The following ZFC3H1 variants were observed in gnomAD, a reference collection of about 807,000 sequenced individuals.
The protein encoded by ZFC3H1 is zinc finger C3H1 domain-containing protein.
In ZFC3H1, 71 loss-of-function variants were observed where a neutral mutation model predicts 243.7. That is an observed-to-expected ratio of 0.29 (90% CI 0.24 to 0.36). ZFC3H1 has a LOEUF of 0.36. Among genes scored for constraint, ZFC3H1 ranks in the 10% least tolerant of loss-of-function variants. The pLI is 1.00. For synonymous variants in ZFC3H1, 838 were observed against 813.0 expected, an observed-to-expected ratio of 1.03 and a Z score of -0.52; for missense variants, 1,966 against 2,317.1, an observed-to-expected ratio of 0.85 and a Z score of 3.11.
intron 8 of ZFC3H1, 95 bp downstream of exon 8, chr12:71,636,755 A>G: frequency 6.4e-7 from 1 of 1,557,148 alleles, no homozygotes. Flanking sequence ...CACTTTGCTG[A>G]AAAGCCCAAT....
chr12:71,654,201 A>G (rs1880960809), intron 2 of ZFC3H1, among the ~76,000 whole-genome samples: 1 of 152,196 alleles, frequency 6.6e-6, no homozygotes, highest in Non-Finnish European at 1.5e-5. Context: ...GCATTTTAGG[A>G]GGCTAAGGCA....
chr12:71,652,832 T>A (rs1278274487), intron 2 of ZFC3H1, among the ~76,000 whole-genome samples: 4 of 152,082 alleles, frequency 2.6e-5, no homozygotes, highest in African/African-American at 9.7e-5. Flanking sequence ...GCAACCAAAT[T>A]CACACCATAT....
At chr12:71,656,415 T>C (rs1881020328) in intron 2 of ZFC3H1, 4 of 563,942 alleles carry the variant, frequency 7.1e-6, no homozygotes, top group Non-Finnish European at 1.2e-5. Flanking sequence ...AAATAAATTA[T>C]ATAATTCATT....
At chr12:71,616,545 A>T (rs1415821391) in intron 27 of ZFC3H1, among the ~76,000 whole-genome samples, 1 of 152,190 alleles carries the variant, frequency 6.6e-6, no homozygotes, top group Admixed American at 6.5e-5. Context: ...TGACTCTAAG[A>T]AGTCAATCAG....
intron 2 of ZFC3H1, chr12:71,656,313 AG>A: frequency 2.6e-6 from 1 of 383,656 alleles, no homozygotes; most frequent in Non-Finnish European, 4.6e-6. Flanking sequence ...CTTAATAAAG[AG>A]GAAAAGAAAA....
At position 71,663,832 on chromosome 12, in the gene ZFC3H1, T is replaced by TCAGCGATCGGGGTTCTTCCG; in HGVS notation, c.-223_-222insCGGAAGAACCCCGATCGCTG. The TCAGCGATCGGGGTTCTTCCG allele has an allele frequency of 1.7e-6, 1 of 583,236 alleles. No homozygotes were observed. Among genetic ancestry groups the TCAGCGATCGGGGTTCTTCCG allele is most frequent in the South Asian group, 2.2e-5 (1 of 44,770 alleles). The allele number at this position is 583,236 out of a possible 1,614,324, so 36.1% of individuals were successfully genotyped here. ...CCCTTTCCTAGCGCCCCCTTGCTCC[T>TCAGCGATCGGGGTTCTTCCG]CAGCGATCGGGGTTCTTCCGCCTCG... is the stretch of plus-strand genomic sequence containing the variant. On this transcript the variant is annotated 5_prime_UTR_variant, in exon 1 of 35. Transcript: ENST00000378743.
intron 9 of ZFC3H1, 147 bp from the exon 10 acceptor site, chr12:71,635,727 A>C: frequency 3.5e-6 from 2 of 568,344 alleles, no homozygotes; most frequent in East Asian, 3.4e-5. Flanking sequence ...GAGTCGACCA[A>C]TACTGGTTAT....
In ZFC3H1 at chr12:71,623,574, A is replaced by G. The variant is rs1407669210; in HGVS notation, c.4530T>C (p.Asp1510=). 1 of 1,609,982 alleles carries G rather than the reference A, an allele frequency of 6.2e-7. No individual in the cohort carries two copies. The highest frequency in any genetic ancestry group is 8.5e-7 in the Non-Finnish European group (1 of 1,178,768). Residue 1510 remains aspartate, a synonymous_variant, in exon 24 of 35, where the codon GAT becomes GAC. Transcript: ENST00000378743. ...TTTTAAGGTATTCAGCTACTATTCCATCATTAGCAGATTTCAATGCATTCT... is the reference window on the plus strand; with the variant it reads ...TTTTAAGGTATTCAGCTACTATTCCGTCATTAGCAGATTTCAATGCATTCT... The part of the protein sequence containing the change: ...ILQNALKSAN[D]GIVAEYLKTS...
chr12:71,638,469 C>T lies in ZFC3H1; in HGVS notation c.1674G>A (p.Gly558=), dbSNP rs1277587906. Reference sequence around the variant, plus strand: ...AAAGAGATGGTGCTGGAGAAAAATACCCCAATGAACATTCAGAGAAAAATG... The same window carrying T: ...AAAGAGATGGTGCTGGAGAAAAATATCCCAATGAACATTCAGAGAAAAATG... ...QPPFFSECSL[G]YFSPAPSLSL... Residue 558 remains glycine, a synonymous_variant, in exon 7 of 35, where the codon GGG becomes GGA. Coordinates refer to ENST00000378743, the MANE Select transcript of ZFC3H1 (RefSeq NM_144982.5). 1.2e-6 allele frequency: 2 copies of T among 1,612,646 alleles called. No individual in the cohort carries two copies. Among genetic ancestry groups the T allele is most frequent in the Non-Finnish European group, 1.7e-6 (2 of 1,179,538 alleles).
intron 11 of ZFC3H1, 125 bp downstream of exon 11, chr12:71,634,578 TA>T: frequency 1.7e-6 from 2 of 1,165,656 alleles, no homozygotes; most frequent in Non-Finnish European, 2.4e-6. Context: ...GTGTGAGTTA[TA>T]AAACATTAAC....
At chr12:71,623,159 T>C (rs1880075763) in intron 24 of ZFC3H1, among the ~76,000 whole-genome samples, 1 of 152,148 alleles carries the variant, frequency 6.6e-6, no homozygotes, top group South Asian at 2.1e-4. Context: ...TATCGTGCAG[T>C]TATTGGTTTT....
At chr12:71,615,092 A>G (rs1879861876) in intron 28 of ZFC3H1, 114 bp downstream of exon 28, 28 of 1,130,390 alleles carry the variant, frequency 2.5e-5, no homozygotes, top group Non-Finnish European at 3.6e-5. Flanking sequence ...CATCTCTTCA[A>G]TTGTGCTTCA....
intron 31 of ZFC3H1, 31 bp downstream of exon 31, chr12:71,613,304 G>A (rs7305505): frequency 0.09 from 138,764 of 1,536,896 alleles, 10,371 homozygotes; most frequent in East Asian, 0.41. Context: ...CCATTAGGCA[G>A]AGGACCAAAA....
chr12:71,643,534 A>G (rs1880653173), intron 5 of ZFC3H1, among the ~76,000 whole-genome samples: 1 of 152,178 alleles, frequency 6.6e-6, no homozygotes, highest in South Asian at 2.1e-4. Flanking sequence ...ATTCTCAAGT[A>G]TACTCTTTTT....
At chr12:71,628,004 T>G (rs539651492) in intron 20 of ZFC3H1, 70 bp from the exon 21 acceptor site, 87 of 1,448,816 alleles carry the variant, frequency 6.0e-5, no homozygotes, top group Non-Finnish European at 8.1e-5. Context: ...AAGAAAACAA[T>G]TGGTCTCATC....
Position 71,616,214 on chromosome 12 carries a change from T to C in ZFC3H1, c.5145-898A>G, listed in dbSNP as rs1027539714. 9.9e-5 allele frequency among the ~76,000 whole-genome samples: 15 copies of C among 151,638 alleles called. No homozygotes were observed. In the East Asian group the frequency reaches 2.5e-3, roughly 25 times the overall value. On this transcript the variant is annotated intron_variant, in intron 27 of 34. Coordinates refer to ENST00000378743, the MANE Select transcript of ZFC3H1 (RefSeq NM_144982.5). ...TCCCGGGCTGAGGTGGGAGAATAGC[T>C]TGAACTCAGGAGGCAGAGGTTACAG...
chr12:71,655,615 T>C (rs148843335), intron 2 of ZFC3H1, among the ~76,000 whole-genome samples: 1 of 152,166 alleles, frequency 6.6e-6, no homozygotes, highest in African/African-American at 2.4e-5. Flanking sequence ...TTACATAAAC[T>C]GTCTTAACAG....
chr12:71,611,774 T>G lies in ZFC3H1; in HGVS notation c.5729+12A>C. 1 of 1,588,174 alleles carries G rather than the reference T, an allele frequency of 6.3e-7. No homozygotes were observed. The highest frequency in any genetic ancestry group is 8.6e-7 in the Non-Finnish European group (1 of 1,160,138). On this transcript the variant is annotated intron_variant, in intron 32 of 34. Coordinates refer to ENST00000378743, the MANE Select transcript of ZFC3H1 (RefSeq NM_144982.5). Reference sequence around the variant, plus strand: ...AATAGCTATAAAAACATGTACATGATTGTTGCATTACATTTTCCAGGTGGC... The same window carrying G: ...AATAGCTATAAAAACATGTACATGAGTGTTGCATTACATTTTCCAGGTGGC...
Position 71,629,706 on chromosome 12 carries a change from T to C in ZFC3H1, c.3729A>G (p.Lys1243=), listed in dbSNP as rs1349445197. ...TNEEITASAE[K]YVEKLFGVNK... ...TTACTCCAAAAAGTTTCTCAACATA[T>C]TTTTCTGAAATAAGAGCAATGCAAT... Residue 1243 remains lysine (K), a synonymous_variant, in exon 19 of 35, where the codon AAA becomes AAG. Coordinates refer to ENST00000378743, the MANE Select transcript of ZFC3H1 (RefSeq NM_144982.5). 2.5e-6 allele frequency: 4 copies of C among 1,605,412 alleles called. No individual in the cohort carries two copies. The highest frequency in any genetic ancestry group is 2.2e-5 in the East Asian group (1 of 44,794).
Sources: allele counts gnomAD v4.1 joint callset (sites outside exome capture counted in the v4.1 genomes callset), GRCh38; gene constraint gnomAD v4.1.1; transcripts MANE v1.5; gene names NCBI Gene and HGNC (gene_info 2026-07-23, HGNC 2026-07-21).